The following CNTRL variants were observed in gnomAD, a reference collection of about 807,000 sequenced individuals.
CNTRL encodes the protein 110 kDa centrosomal protein.
CNTRL carries 233 observed loss-of-function variants against 303.7 expected under a neutral mutation model. The ratio of observed to expected loss-of-function variants is 0.77; its 90% CI spans 0.69 to 0.86. The LOEUF is 0.86. Ranked by LOEUF, CNTRL falls within the 40% of genes least tolerant of loss-of-function variation. The pLI is 0.00. For synonymous variants in CNTRL, 900 were observed against 922.2 expected, an observed-to-expected ratio of 0.98 and a Z score of 0.44; for missense variants, 2,524 against 2,650.6, an observed-to-expected ratio of 0.95 and a Z score of 1.05.
At chr9:121,081,044 A>C (rs2048118818) in intron 2 of CNTRL, among the ~76,000 whole-genome samples, 1 of 152,178 alleles carries the variant, frequency 6.6e-6, no homozygotes, top group Non-Finnish European at 1.5e-5. Flanking sequence ...TAATAGACTG[A>C]GTGAGGAAAC....
intron 7 of CNTRL, among the ~76,000 whole-genome samples, chr9:121,100,122 T>A (rs1445963636): frequency 1.3e-5 from 2 of 151,980 alleles, no homozygotes; most frequent in South Asian, 4.2e-4. Flanking sequence ...TTCATCAAAG[T>A]TGAAATGAAG....
intron 43 of CNTRL, among the ~76,000 whole-genome samples, chr9:121,176,781 A>C (rs898781762): frequency 3.3e-5 from 5 of 152,082 alleles, no homozygotes; most frequent in African/African-American, 1.2e-4. Flanking sequence ...GTAACATTTT[A>C]TTTCCCTTTT....
At chr9:121,078,161 C>G (rs1164983691) in intron 1 of CNTRL, among the ~76,000 whole-genome samples, 6 of 152,106 alleles carry the variant, frequency 3.9e-5, no homozygotes, top group Non-Finnish European at 7.4e-5. Flanking sequence ...AATCCCAGCA[C>G]TTTGGGAGGC....
In CNTRL at chr9:121,173,664, C is replaced by G; in HGVS notation, c.6685-11C>G. ...ATGATTCATGATATCTCTATTTTCC[C>G]TCTGAGAAAGGATGAACACTGGCGT... On this transcript the variant is annotated splice_polypyrimidine_tract_variant and intron_variant, in intron 41 of 43. Coordinates refer to ENST00000373855, the MANE Select transcript of CNTRL (RefSeq NM_007018.6). 1.9e-6 allele frequency: 3 copies of G among 1,613,996 alleles called. No homozygotes were observed. The highest frequency in any genetic ancestry group is 1.7e-6 in the Non-Finnish European group (2 of 1,179,914).
chr9:121,108,808 A>C (rs1400383865), intron 8 of CNTRL, among the ~76,000 whole-genome samples: 1 of 152,122 alleles, frequency 6.6e-6, no homozygotes, highest in African/African-American at 2.4e-5. Context: ...TTATATACAA[A>C]ATTAATGTAT....
intron 2 of CNTRL, among the ~76,000 whole-genome samples, chr9:121,085,811 T>C (rs2048321058): frequency 6.6e-6 from 1 of 152,134 alleles, no homozygotes; most frequent in Non-Finnish European, 1.5e-5. Flanking sequence ...GACAAAAAGA[T>C]GACTAGAGCA....
intron 38 of CNTRL, among the ~76,000 whole-genome samples, chr9:121,168,695 A>C (rs573626648): frequency 6.6e-6 from 1 of 152,320 alleles, no homozygotes; most frequent in African/African-American, 2.4e-5. Context: ...TTTTGTCCAG[A>C]TTTGGCATAG....
chr9:121,135,904 A>G lies in CNTRL; in HGVS notation c.2124A>G (p.Leu708=), dbSNP rs1348844881. The G allele has an allele frequency of 8.7e-6, 14 of 1,613,928 alleles. No homozygotes were observed. Among genetic ancestry groups the G allele is most frequent in the Non-Finnish European group, 1.1e-5 (13 of 1,179,940 alleles). Residue 708 remains leucine (L), a synonymous_variant, in exon 15 of 44, where the codon CTA becomes CTG. Transcript: ENST00000373855. ...ATCTCAGTGCCTATGAAGCTGAGCTAGAGGCTCGGCTAAACCTAAGGGATG... is the reference window on the plus strand; with the variant it reads ...ATCTCAGTGCCTATGAAGCTGAGCTGGAGGCTCGGCTAAACCTAAGGGATG... The part of the protein sequence containing the change: ...QGDLSAYEAE[L]EARLNLRDAE...
chr9:121,091,921 C>T (rs1397837799), intron 4 of CNTRL, among the ~76,000 whole-genome samples: 5 of 131,522 alleles, frequency 3.8e-5, no homozygotes, highest in Non-Finnish European at 1.6e-5. Flanking sequence ...CAGGGTCTCA[C>T]TCTGTCATCT....
intron 4 of CNTRL, among the ~76,000 whole-genome samples, chr9:121,092,011 G>T (rs2048596993): frequency 6.9e-6 from 1 of 143,974 alleles, no homozygotes; most frequent in Admixed American, 7.2e-5. Flanking sequence ...TAGTCAACAA[G>T]TATTTATTTA....
At chr9:121,160,352 G>C in intron 32 of CNTRL, 50 bp downstream of exon 32, 1 of 1,275,046 alleles carries the variant, frequency 7.8e-7, no homozygotes, top group Non-Finnish European at 1.0e-6. Flanking sequence ...GGAAATGTCT[G>C]TATTACAAGT....
intron 12 of CNTRL, among the ~76,000 whole-genome samples, chr9:121,119,709 T>C (rs1414711009): frequency 6.6e-6 from 1 of 152,098 alleles, no homozygotes; most frequent in Non-Finnish European, 1.5e-5. Context: ...TTGCTCAGGC[T>C]GGTCTCAAAC....
At chr9:121,174,381 T>C (rs2053438262) in intron 42 of CNTRL, among the ~76,000 whole-genome samples, 1 of 152,188 alleles carries the variant, frequency 6.6e-6, no homozygotes, top group African/African-American at 2.4e-5. Flanking sequence ...TGTGTGGTTA[T>C]TTAAATTTTA....
intron 12 of CNTRL, 83 bp from the exon 13 acceptor site, chr9:121,123,844 TCTTC>T: frequency 5.1e-6 from 5 of 976,412 alleles, no homozygotes; most frequent in Non-Finnish European, 7.1e-6. Flanking sequence ...TATTTTCTAT[TCTTC>T]CTTTAAAAAT....
intron 13 of CNTRL, among the ~76,000 whole-genome samples, chr9:121,124,727 C>T (rs1228205262): frequency 1.4e-5 from 2 of 145,326 alleles, no homozygotes; most frequent in Non-Finnish European, 3.0e-5. Context: ...CATTTGAGCC[C>T]AGGAGTTCGA....
chr9:121,171,928 A>G (rs2053321455), intron 40 of CNTRL, among the ~76,000 whole-genome samples: 1 of 152,216 alleles, frequency 6.6e-6, no homozygotes, highest in Non-Finnish European at 1.5e-5. Flanking sequence ...AACCTTTGAT[A>G]TCACATAATG....
Position 121,168,115 on chromosome 9 carries a change from AAG to A in CNTRL, c.5872_5873del (p.Glu1958LysfsTer2), listed in dbSNP as rs748050456. On this transcript the variant is annotated frameshift_variant, in exon 38 of 44. Transcript: ENST00000373855. LOFTEE classifies it high-confidence loss of function. Reference sequence around the variant, plus strand: ...ATTAAGATGTTTCAGAGACTCCAGAAAGAGAGAGAAAGTGAAGAAAGCAAATT... The same window carrying A: ...ATTAAGATGTTTCAGAGACTCCAGAAAGAGAGAAAGTGAAGAAAGCAAATT... 3.1e-6 allele frequency: 5 copies of A among 1,612,640 alleles called. No individual in the cohort carries two copies. In the African/African-American group the frequency reaches 6.7e-5, roughly 22 times the overall value.
At chr9:121,168,355 G>C in intron 38 of CNTRL, 34 bp downstream of exon 38, 1 of 1,575,292 alleles carries the variant, frequency 6.3e-7, no homozygotes. Context: ...TGGGAGATGG[G>C]GTATGGATTG....
At chr9:121,112,378 G>T (rs1178827240) in intron 8 of CNTRL, 81 bp from the exon 9 acceptor site, 2 of 1,276,902 alleles carry the variant, frequency 1.6e-6, no homozygotes, top group South Asian at 1.4e-5. Flanking sequence ...TATAACTTAC[G>T]ATGAGAACTT....
Sources: allele counts gnomAD v4.1 joint callset (sites outside exome capture counted in the v4.1 genomes callset), GRCh38; gene constraint gnomAD v4.1.1; transcripts MANE v1.5; gene names NCBI Gene and HGNC (gene_info 2026-07-23, HGNC 2026-07-21).